Variants in SHROOM4 observed in about 807,000 individuals in gnomAD.
The protein encoded by SHROOM4 is shroom family member 4, also known as protein Shroom4.
SHROOM4 carries 17 observed loss-of-function variants against 80.3 expected under a neutral mutation model. The observed-to-expected ratio is 0.21, with a 90% CI of 0.14 to 0.32. The LOEUF (loss-of-function observed/expected upper bound fraction) is 0.32, where lower values mean the gene tolerates loss of function less well. Ranked by LOEUF, SHROOM4 falls within the 10% of genes least tolerant of loss-of-function variation. SHROOM4 has a pLI of 1.00. For synonymous variants in SHROOM4, 400 were observed against 437.5 expected (o/e 0.91, Z 1.07); for missense variants, 993 against 1,140.3 (o/e 0.87, Z 1.86).
At chrX:50,610,676 T>C (rs782013371) in intron 5 of SHROOM4, among the ~76,000 whole-genome samples, 9 of 111,422 alleles carry the variant, frequency 8.1e-5, no homozygotes, top group African/African-American at 2.3e-4. Context: ...AATAAATATG[T>C]TTAACAAAGG....
chrX:50,733,216 T>G (rs1014744025), intron 1 of SHROOM4, among the ~76,000 whole-genome samples: 3 of 112,011 alleles, frequency 2.7e-5, no homozygotes. Context: ...CCAATACTTC[T>G]TCATGATAAA....
At chrX:50,811,771 G>A (rs1557273471) in intron 1 of SHROOM4, among the ~76,000 whole-genome samples, 1 of 111,483 alleles carries the variant, frequency 9.0e-6, no homozygotes, top group African/African-American at 3.3e-5. Flanking sequence ...GGCTATTTGG[G>A]AGGAATGGGA....
chrX:50,589,209 A>T lies in SHROOM4; in HGVS notation c.*7486T>A, dbSNP rs1928814736. Among the ~76,000 whole-genome samples the T allele has an allele frequency of 8.9e-6, 1 of 111,948 alleles. No individual in the cohort carries two copies. The highest frequency in any genetic ancestry group is 3.3e-5 in the African/African-American group (1 of 30,767). ...TACCCTTTGGAGTCAGGAATGAAGTACATGCTCACCATCAACTCAGATTTT... is the reference window on the plus strand; with the variant it reads ...TACCCTTTGGAGTCAGGAATGAAGTTCATGCTCACCATCAACTCAGATTTT... On this transcript the variant is annotated 3_prime_UTR_variant, in exon 9 of 9. Coordinates refer to ENST00000376020, the MANE Select transcript of SHROOM4 (RefSeq NM_020717.5).
intron 1 of SHROOM4, among the ~76,000 whole-genome samples, chrX:50,722,924 T>A (rs887487745): frequency 9.0e-5 from 10 of 110,580 alleles, no homozygotes; most frequent in Admixed American, 1.9e-4. Context: ...GAGATATAAT[T>A]TACACACAAT....
chrX:50,717,046 C>T (rs1765995942), intron 1 of SHROOM4, among the ~76,000 whole-genome samples: 1 of 112,409 alleles, frequency 8.9e-6, no homozygotes, highest in South Asian at 3.7e-4. Context: ...AAAGATAGGG[C>T]TCCAGTCATT....
At chrX:50,667,264 T>G (rs1273372361) in intron 2 of SHROOM4, among the ~76,000 whole-genome samples, 2 of 111,896 alleles carry the variant, frequency 1.8e-5, no homozygotes, top group African/African-American at 6.5e-5. Flanking sequence ...GTGAGGCATA[T>G]TCAACATCTT....
chrX:50,592,233 C>T lies in SHROOM4; in HGVS notation c.*4462G>A. The T allele has an allele frequency of 3.1e-6, 1 of 323,240 alleles. No homozygotes were observed. The highest frequency in any genetic ancestry group is 6.0e-6 in the Non-Finnish European group (1 of 165,979). The allele number at this position is 323,240 out of a possible 1,213,427, so 26.6% of individuals were successfully genotyped here. A position where few individuals can be genotyped will look rare whatever the true frequency, so the allele number is the denominator to read the frequency against. On this transcript the variant is annotated 3_prime_UTR_variant, in exon 9 of 9. Transcript: ENST00000376020. ...TATGTTTTCAACAAGTCAGTACTTC[C>T]CATGCTGTAATATGTTCATGAATCT...
chrX:50,668,078 TCTC>T (rs1204504440), intron 2 of SHROOM4, among the ~76,000 whole-genome samples: 4 of 111,926 alleles, frequency 3.6e-5, no homozygotes, highest in African/African-American at 6.5e-5. Flanking sequence ...GTGTCGCAAA[TCTC>T]CTCCTCCAGG....
At chrX:50,706,776 A>G (rs1933689552) in intron 1 of SHROOM4, among the ~76,000 whole-genome samples, 1 of 111,938 alleles carries the variant, frequency 8.9e-6, no homozygotes, top group Admixed American at 9.5e-5. Flanking sequence ...TTATCCTTTG[A>G]GCTAAATATC....
At chrX:50,788,176 T>G (rs782699598) in intron 1 of SHROOM4, among the ~76,000 whole-genome samples, 1 of 111,842 alleles carries the variant, frequency 8.9e-6, no homozygotes, top group South Asian at 3.7e-4. Flanking sequence ...AATTGTGACA[T>G]TAATAGCATA....
In SHROOM4 at chrX:50,595,759, C is replaced by A; in HGVS notation, c.*936G>T. The A allele has an allele frequency of 3.3e-6, 1 of 299,779 alleles. No homozygotes were observed. Among genetic ancestry groups the A allele is most frequent in the Admixed American group, 4.0e-5 (1 of 25,231 alleles). The allele number at this position is 299,779 out of a possible 1,213,427, so 24.7% of individuals were successfully genotyped here. On this transcript the variant is annotated 3_prime_UTR_variant, in exon 9 of 9. Transcript: ENST00000376020. ...GCTTTCCTTCTGGGCTAACTTTTCC[C>A]TCTCCAACTTCCCTCTTCTCGCCTT...
chrX:50,712,975 C>A (rs1557264510), intron 1 of SHROOM4, among the ~76,000 whole-genome samples: 1 of 111,271 alleles, frequency 9.0e-6, no homozygotes, highest in Non-Finnish European at 1.9e-5. Context: ...GAGTCCCCTA[C>A]CTGGTTTGAG....
chrX:50,586,252 T>C (rs1157377438), downstream of SHROOM4, among the ~76,000 whole-genome samples: 5 of 111,752 alleles, frequency 4.5e-5, no homozygotes, highest in Admixed American at 9.6e-5. Flanking sequence ...AGGGAACAAG[T>C]TGTTATTTTT....
intron 1 of SHROOM4, among the ~76,000 whole-genome samples, chrX:50,739,085 A>C (rs1252805764): frequency 8.9e-6 from 1 of 111,886 alleles, no homozygotes; most frequent in Non-Finnish European, 1.9e-5. Context: ...TGGGGAAATG[A>C]TTCCCTATTT....
chrX:50,679,603 G>A (rs782410255), intron 2 of SHROOM4, among the ~76,000 whole-genome samples: 110 of 111,376 alleles, frequency 9.9e-4, no homozygotes, highest in Non-Finnish European at 1.6e-3. Context: ...TTGGGGGTAC[G>A]TGATATTGTG....
intron 1 of SHROOM4, among the ~76,000 whole-genome samples, chrX:50,745,050 G>A (rs1338024470): frequency 1.8e-5 from 2 of 111,550 alleles, no homozygotes; most frequent in African/African-American, 6.5e-5. Flanking sequence ...TTCAAATAGG[G>A]TTTAGCAGCT....
chrX:50,787,818 A>T (rs990241015), intron 1 of SHROOM4, among the ~76,000 whole-genome samples: 5 of 110,714 alleles, frequency 4.5e-5, no homozygotes, highest in Admixed American at 3.8e-4. Context: ...ACCTGTCAAA[A>T]CTATCCTTCA....
intron 7 of SHROOM4, among the ~76,000 whole-genome samples, chrX:50,602,185 G>A (rs782193947): frequency 4.6e-5 from 5 of 108,468 alleles, no homozygotes; most frequent in African/African-American, 1.0e-4. Context: ...TCCGCCTCCC[G>A]GGTTCAAGCA....
chrX:50,599,485 C>T (rs1175319465), intron 7 of SHROOM4, among the ~76,000 whole-genome samples: 1 of 111,581 alleles, frequency 9.0e-6, no homozygotes, highest in Non-Finnish European at 1.9e-5. Flanking sequence ...TGCATTGAGT[C>T]ATAATAAGGA....
Sources: allele counts gnomAD v4.1 joint callset (sites outside exome capture counted in the v4.1 genomes callset), GRCh38; gene constraint gnomAD v4.1.1; transcripts MANE v1.5; gene names NCBI Gene and HGNC (gene_info 2026-07-23, HGNC 2026-07-21).